OSBP2: variants seen among roughly 807,000 people sequenced by gnomAD.
The protein encoded by OSBP2 is oxysterol-binding protein 2.
In OSBP2, 66 loss-of-function variants were observed where a neutral mutation model predicts 96.0. The observed-to-expected ratio is 0.69, with a 90% CI of 0.56 to 0.84. The LOEUF is 0.84. Ranked by LOEUF, OSBP2 falls within the 40% of genes least tolerant of loss-of-function variation. The pLI is 0.00. For missense variants in OSBP2, 1,038 were observed against 1,222.7 expected (o/e 0.85, Z 2.25); for synonymous variants, 525 against 520.9 (o/e 1.01, Z -0.11).
At chr22:30,872,402 T>C (rs930883945) in intron 3 of OSBP2, 8 of 456,288 alleles carry the variant, frequency 1.8e-5, no homozygotes, top group Non-Finnish European at 3.1e-5. Flanking sequence ...TCCGAGATAA[T>C]GAGCGTCTCA....
rs140460666 is a variant in OSBP2, at chr22:30,872,729, G to A, written c.1107+2047G>A. Among the ~76,000 whole-genome samples the A allele has an allele frequency of 6.9e-3, 1,049 of 152,242 alleles. 11 individuals are homozygous for A. Among genetic ancestry groups the A allele is most frequent in the African/African-American group, 0.024 (1,007 of 41,578 alleles). On this transcript the variant is annotated intron_variant, in intron 3 of 13. Transcript: ENST00000332585. Reference sequence around the variant, plus strand: ...GAGGGCAGGAGTGCAGTGCTGCCCCGACAGACTGTGCTTGTAGCCCAGGCT... The same window carrying A: ...GAGGGCAGGAGTGCAGTGCTGCCCCAACAGACTGTGCTTGTAGCCCAGGCT...
chr22:30,866,403 C>T (rs1488868423), intron 2 of OSBP2, among the ~76,000 whole-genome samples: 1 of 152,212 alleles, frequency 6.6e-6, no homozygotes, highest in Non-Finnish European at 1.5e-5. Context: ...CTGCTAACAC[C>T]TGGATTTCAG....
chr22:30,819,857 C>T (rs2091126592), intron 2 of OSBP2, among the ~76,000 whole-genome samples: 1 of 152,172 alleles, frequency 6.6e-6, no homozygotes, highest in African/African-American at 2.4e-5. Flanking sequence ...TTCAGTGACA[C>T]CAGGGTTCAC....
At chr22:30,895,264 G>A (rs930381777) in intron 12 of OSBP2, among the ~76,000 whole-genome samples, 7 of 151,194 alleles carry the variant, frequency 4.6e-5, no homozygotes, top group Non-Finnish European at 8.8e-5. Flanking sequence ...GAAAGAAGAA[G>A]AAGAAGAAAA....
chr22:30,791,472 G>T (rs906453634), intron 2 of OSBP2, among the ~76,000 whole-genome samples: 2 of 151,468 alleles, frequency 1.3e-5, no homozygotes, highest in African/African-American at 4.9e-5. Context: ...GATTACAGGC[G>T]TGTGCCCCCA....
rs1170171168 is a variant in OSBP2 at position 30,881,794 on chromosome 22, G to A, written c.1108-5632G>A. Reference sequence around the variant, plus strand: ...AGAGGAGACCCTGGGAGTCAGGGATGGACACCAGGTGGGTGCATCCGGGCT... The same window carrying A: ...AGAGGAGACCCTGGGAGTCAGGGATAGACACCAGGTGGGTGCATCCGGGCT... On this transcript the variant is annotated intron_variant, in intron 3 of 13. Transcript: ENST00000332585. The surrounding 1 kb of genome is among the most constrained non-coding windows in gnomAD (Gnocchi z 4.5). 12 of 1,304,068 alleles carry A rather than the reference G, an allele frequency of 9.2e-6. No homozygotes were observed. The highest frequency in any genetic ancestry group is 1.1e-5 in the Non-Finnish European group (11 of 988,946). The allele number at this position is 1,304,068 out of a possible 1,614,324, so 80.8% of individuals were successfully genotyped here.
At chr22:30,698,671 T>G (rs2089099985) in intron 1 of OSBP2, among the ~76,000 whole-genome samples, 1 of 151,904 alleles carries the variant, frequency 6.6e-6, no homozygotes, top group South Asian at 2.1e-4. Context: ...AACTCCTGAC[T>G]TCGTGATCTG....
intron 2 of OSBP2, among the ~76,000 whole-genome samples, chr22:30,783,623 G>A (rs1236348764): frequency 6.6e-6 from 1 of 152,096 alleles, no homozygotes; most frequent in African/African-American, 2.4e-5. Flanking sequence ...CGCCAGGCCA[G>A]AGAGCATATT....
chr22:30,728,139 G>C (rs1177574126), intron 1 of OSBP2, among the ~76,000 whole-genome samples: 1 of 151,884 alleles, frequency 6.6e-6, no homozygotes. Flanking sequence ...GCTCATGCCT[G>C]TAATCCCAGC....
At chr22:30,773,103 ATT>A (rs695837) in intron 2 of OSBP2, 18 of 123,316 alleles carry the variant, frequency 1.5e-4, no homozygotes, top group East Asian at 2.4e-4. Context: ...GTTAAACACG[ATT>A]TTTTTTTTTT....
chr22:30,735,034 C>CA (rs756996904), intron 1 of OSBP2, among the ~76,000 whole-genome samples: 13 of 151,036 alleles, frequency 8.6e-5, no homozygotes, highest in African/African-American at 2.7e-4. Context: ...CTACCAAAAA[C>CA]AAAAAAAAAT....
intron 2 of OSBP2, among the ~76,000 whole-genome samples, chr22:30,819,231 A>T (rs952935521): frequency 6.6e-5 from 10 of 152,198 alleles, no homozygotes; most frequent in Non-Finnish European, 1.0e-4. Context: ...GCTACTCAGG[A>T]GACTGAGACC....
At chr22:30,835,675 T>C (rs1392671931) in intron 2 of OSBP2, among the ~76,000 whole-genome samples, 1 of 152,136 alleles carries the variant, frequency 6.6e-6, no homozygotes, top group Non-Finnish European at 1.5e-5. Context: ...TATCCAGAAT[T>C]GATTTCTGTA....
chr22:30,796,612 T>G (rs1602276020), intron 2 of OSBP2, among the ~76,000 whole-genome samples: 1 of 152,054 alleles, frequency 6.6e-6, no homozygotes, highest in African/African-American at 2.4e-5. Context: ...TTCAAGAGAT[T>G]TTCATGTCTC....
At chr22:30,725,077 G>A (rs112863491) in intron 1 of OSBP2, among the ~76,000 whole-genome samples, 1 of 151,288 alleles carries the variant, frequency 6.6e-6, no homozygotes, top group African/African-American at 2.4e-5. Context: ...TCGGGAGGCT[G>A]AGGCAGGAGA....
chr22:30,712,361 C>G (rs910732900), intron 1 of OSBP2, among the ~76,000 whole-genome samples: 1 of 152,118 alleles, frequency 6.6e-6, no homozygotes, highest in East Asian at 1.9e-4. Flanking sequence ...CTCAAGCCTT[C>G]CCACCTCCTT....
chr22:30,896,049 TCA>T (rs1268650212), intron 12 of OSBP2, among the ~76,000 whole-genome samples: 6 of 151,378 alleles, frequency 4.0e-5, no homozygotes, highest in Admixed American at 3.9e-4. Flanking sequence ...AGATGGAGTC[TCA>T]CTCTGTCGCC....
chr22:30,823,809 AGT>A (rs962463665), intron 2 of OSBP2, among the ~76,000 whole-genome samples: 1 of 152,146 alleles, frequency 6.6e-6, no homozygotes, highest in Non-Finnish European at 1.5e-5. Flanking sequence ...TTTCGTCCAA[AGT>A]GTGTGTTCTG....
intron 2 of OSBP2, among the ~76,000 whole-genome samples, chr22:30,862,286 G>A (rs1429470114): frequency 2.0e-5 from 3 of 152,220 alleles, no homozygotes; most frequent in Non-Finnish European, 4.4e-5. Context: ...GGCAGGCTGG[G>A]CAGGGGGCCC....
Sources: gnomAD v4.1 joint callset for allele counts (sites outside exome capture counted in the v4.1 genomes callset) on GRCh38, gnomAD v4.1.1 for gene constraint, Gnocchi (gnomAD v3.1) non-coding constraint, MANE v1.5 for transcripts, NCBI Gene and HGNC (gene_info 2026-07-23, HGNC 2026-07-21) for gene names.